The following OSBPL6 variants were observed in gnomAD, a reference collection of about 807,000 sequenced individuals.
OSBPL6 encodes the protein oxysterol binding protein like 6, also known as oxysterol-binding protein-related protein 6.
A neutral mutation model predicts 125.8 loss-of-function variants in OSBPL6; 49 were observed. The ratio of observed to expected loss-of-function variants is 0.39; its 90% CI spans 0.31 to 0.49. OSBPL6 has a LOEUF of 0.49. Among genes scored for constraint, OSBPL6 ranks in the 20% least tolerant of loss-of-function variants. OSBPL6 has a pLI of 0.88. For synonymous variants in OSBPL6, 394 were observed against 391.8 expected (o/e 1.01, Z -0.07); for missense variants, 986 against 1,135.4 (o/e 0.87, Z 1.89).
intron 3 of OSBPL6, among the ~76,000 whole-genome samples, chr2:178,309,851 C>T (rs1687109432): frequency 6.6e-6 from 1 of 152,148 alleles, no homozygotes; most frequent in Admixed American, 6.5e-5. Context: ...TAGGACTTAC[C>T]AATAAACCAG....
intron 13 of OSBPL6, among the ~76,000 whole-genome samples, chr2:178,366,399 G>A (rs1027316660): frequency 3.3e-5 from 5 of 152,072 alleles, no homozygotes; most frequent in Non-Finnish European, 7.4e-5. Flanking sequence ...AGTGAGAGTT[G>A]GGCTCATATA....
intron 1 of OSBPL6, among the ~76,000 whole-genome samples, chr2:178,251,744 T>C (rs2091703220): frequency 6.6e-6 from 1 of 152,228 alleles, no homozygotes; most frequent in Non-Finnish European, 1.5e-5. Context: ...CCTATAACAG[T>C]GACAGTTACC....
chr2:178,226,679 G>A (rs192872856), intron 1 of OSBPL6, among the ~76,000 whole-genome samples: 1 of 152,324 alleles, frequency 6.6e-6, no homozygotes, highest in East Asian at 1.9e-4. Flanking sequence ...ATCTTTAACG[G>A]ATTCCTGCTT....
intron 1 of OSBPL6, among the ~76,000 whole-genome samples, chr2:178,246,794 G>A (rs2091506837): frequency 6.6e-6 from 1 of 152,120 alleles, no homozygotes; most frequent in South Asian, 2.1e-4. Context: ...CTTCCATTCT[G>A]CTTCTAGAGT....
intron 1 of OSBPL6, among the ~76,000 whole-genome samples, chr2:178,206,724 C>T (rs2089552743): frequency 6.6e-6 from 1 of 152,160 alleles, no homozygotes; most frequent in Non-Finnish European, 1.5e-5. Context: ...AAGCAATTCT[C>T]CTGTCTCAGC....
At chr2:178,302,426 A>G (rs568777822) in intron 2 of OSBPL6, among the ~76,000 whole-genome samples, 3 of 152,162 alleles carry the variant, frequency 2.0e-5, no homozygotes, top group Admixed American at 2.0e-4. Context: ...ATGTTATAGC[A>G]GTTCCTACAC....
chr2:178,197,784 AAAAG>A (rs1341108348), intron 1 of OSBPL6, among the ~76,000 whole-genome samples: 1 of 152,226 alleles, frequency 6.6e-6, no homozygotes, highest in Admixed American at 6.5e-5. Flanking sequence ...GTATTAAAAA[AAAAG>A]AAAGAGGATA....
intron 1 of OSBPL6, among the ~76,000 whole-genome samples, chr2:178,242,447 C>T (rs771335837): frequency 1.4e-4 from 21 of 152,194 alleles, no homozygotes; most frequent in Admixed American, 2.0e-4. Flanking sequence ...CCCAGTGAAT[C>T]AGCAGATGTG....
At chr2:178,350,910 C>T (rs1278733252) in intron 12 of OSBPL6, among the ~76,000 whole-genome samples, 1 of 152,068 alleles carries the variant, frequency 6.6e-6, no homozygotes, top group Non-Finnish European at 1.5e-5. Flanking sequence ...CTGAAGCTTC[C>T]AGGAAATCCA....
At chr2:178,254,783 G>C (rs2091825345) in intron 1 of OSBPL6, among the ~76,000 whole-genome samples, 1 of 152,196 alleles carries the variant, frequency 6.6e-6, no homozygotes, top group Non-Finnish European at 1.5e-5. Context: ...GAAAAGTTCT[G>C]GGGCCTGTTG....
intron 1 of OSBPL6, among the ~76,000 whole-genome samples, chr2:178,253,138 C>T (rs1182021591): frequency 6.6e-6 from 1 of 152,154 alleles, no homozygotes; most frequent in Non-Finnish European, 1.5e-5. Context: ...TCTCCTGCCT[C>T]GGCCTCCTGA....
chr2:178,326,937 G>GA (rs1036640511), intron 4 of OSBPL6, among the ~76,000 whole-genome samples: 3 of 147,416 alleles, frequency 2.0e-5, no homozygotes, highest in Non-Finnish European at 3.0e-5. Flanking sequence ...TCTCAAAGAA[G>GA]AAAAAAAACA....
At chr2:178,281,193 A>T (rs931945537) in intron 1 of OSBPL6, among the ~76,000 whole-genome samples, 2 of 151,804 alleles carry the variant, frequency 1.3e-5, no homozygotes, top group African/African-American at 4.8e-5. Context: ...TGTATTTTTT[A>T]GTAGAGACAG....
intron 1 of OSBPL6, among the ~76,000 whole-genome samples, chr2:178,241,331 C>G (rs1458537419): frequency 2.0e-5 from 3 of 151,502 alleles, no homozygotes; most frequent in Non-Finnish European, 4.4e-5. Context: ...CCAGGATGGT[C>G]TTGAACTCCT....
intron 2 of OSBPL6, among the ~76,000 whole-genome samples, chr2:178,299,565 C>T (rs754339612): frequency 4.0e-5 from 6 of 151,846 alleles, no homozygotes; most frequent in Admixed American, 6.6e-5. Context: ...TTCTTTCTTT[C>T]GCTCCTTGTG....
At chr2:178,238,226 T>A (rs753361432) in intron 1 of OSBPL6, among the ~76,000 whole-genome samples, 1 of 152,140 alleles carries the variant, frequency 6.6e-6, no homozygotes, top group Non-Finnish European at 1.5e-5. Flanking sequence ...AAATCATACA[T>A]CTTAAATTAC....
intron 3 of OSBPL6, among the ~76,000 whole-genome samples, chr2:178,321,779 A>C (rs1420424778): frequency 3.9e-5 from 6 of 152,186 alleles, no homozygotes; most frequent in African/African-American, 7.2e-5. Flanking sequence ...TTTACTTGCT[A>C]TGTCTCACTA....
chr2:178,268,085 C>CT (rs36020212), intron 1 of OSBPL6, among the ~76,000 whole-genome samples: 52,615 of 142,224 alleles, frequency 0.37, 11,041 homozygotes, highest in East Asian at 0.62. Flanking sequence ...TTTAAATTTT[C>CT]TTTTTTTTTT....
Position 178,400,544 on chromosome 2 carries a change from C to A in OSBPL6, c.*4985C>A, listed in dbSNP as rs1021763978. On this transcript the variant is annotated 3_prime_UTR_variant, in exon 25 of 25. Coordinates refer to ENST00000190611, the MANE Select transcript of OSBPL6 (RefSeq NM_032523.4). ...TCAAGTGTTTCACCCGCCTCAGCCC[C>A]CCAAAGTGCTGGGATTACAGGTGTG... is the stretch of plus-strand genomic sequence containing the variant. The A allele has an allele frequency of 6.6e-6, 1 of 152,178 alleles. No homozygotes were observed. The highest frequency in any genetic ancestry group is 1.5e-5 in the Non-Finnish European group (1 of 68,058). The allele number at this position is 152,178 out of a possible 1,614,324, so 9.4% of individuals were successfully genotyped here.
Sources: allele counts gnomAD v4.1 joint callset (sites outside exome capture counted in the v4.1 genomes callset), GRCh38; gene constraint gnomAD v4.1.1; transcripts MANE v1.5; gene names NCBI Gene and HGNC (gene_info 2026-07-23, HGNC 2026-07-21).